PIEZO2: variants seen among roughly 807,000 people sequenced by gnomAD.
The protein encoded by PIEZO2 is piezo type mechanosensitive ion channel component 2.
A neutral mutation model predicts 337.3 loss-of-function variants in PIEZO2; 172 were observed. The observed-to-expected ratio is 0.51, with a 90% CI of 0.45 to 0.58. The LOEUF (loss-of-function observed/expected upper bound fraction) is 0.58, where lower values mean the gene tolerates loss of function less well. Ranked by LOEUF, PIEZO2 falls within the 20% of genes least tolerant of loss-of-function variation. PIEZO2 has a pLI of 0.00. For synonymous variants in PIEZO2, 1,251 were observed against 1,228.5 expected, an observed-to-expected ratio of 1.02 and a Z score of -0.38; for missense variants, 3,028 against 3,391.3, an observed-to-expected ratio of 0.89 and a Z score of 2.66.
intron 33 of PIEZO2, chr18:10,739,657 G>T (rs577229436): frequency 6.6e-6 from 1 of 152,168 alleles, no homozygotes; most frequent in Non-Finnish European, 1.5e-5. Context: ...GATTGTTAGC[G>T]TGACTGTCAT....
chr18:11,049,268 A>G (rs939892238), intron 2 of PIEZO2, among the ~76,000 whole-genome samples: 2 of 152,194 alleles, frequency 1.3e-5, no homozygotes, highest in African/African-American at 4.8e-5. Flanking sequence ...TCAACATTCG[A>G]GGAAGCAGGA....
Position 11,101,521 on chromosome 18 carries a change from A to T in PIEZO2, c.65-35299T>A, listed in dbSNP as rs544133679. Reference sequence around the variant, plus strand: ...TATTTTTAAGCACCAGTGAGAAAAAAAGCTGCCCAAAATTTAACATATCAA... The same window carrying T: ...TATTTTTAAGCACCAGTGAGAAAAATAGCTGCCCAAAATTTAACATATCAA... On this transcript the variant is annotated intron_variant, in intron 1 of 55. Transcript: ENST00000674853. This position sits in a 1 kb window ranked among gnomAD's most constrained non-coding sequence, Gnocchi z 4.4. 2.6e-5 allele frequency among the ~76,000 whole-genome samples: 4 copies of T among 152,358 alleles called. No individual in the cohort carries two copies. The South Asian group carries it at 6.2e-4, about 24-fold the overall frequency.
At chr18:10,757,627 G>A (rs2037934329) in intron 27 of PIEZO2, among the ~76,000 whole-genome samples, 1 of 151,504 alleles carries the variant, frequency 6.6e-6, no homozygotes, top group Admixed American at 6.6e-5. Flanking sequence ...AGGGAGGAAA[G>A]ATGAGGATGA....
At chr18:10,779,021 A>G (rs2144053747) in intron 18 of PIEZO2, among the ~76,000 whole-genome samples, 1 of 152,336 alleles carries the variant, frequency 6.6e-6, no homozygotes, top group African/African-American at 2.4e-5. Flanking sequence ...CAGGATTTCT[A>G]GCTAGAGTCT....
At chr18:10,787,913 GAATGAAATTCTTTTAATT>G (rs2039278728) in intron 15 of PIEZO2, among the ~76,000 whole-genome samples, 1 of 152,004 alleles carries the variant, frequency 6.6e-6, no homozygotes, top group Non-Finnish European at 1.5e-5. Context: ...TTATTTTAAT[GAATGAAATTCTTTTAATT>G]AATGAAATAT....
chr18:10,677,625 A>T lies in PIEZO2; in HGVS notation c.8081+122T>A. 1 of 1,259,928 alleles carries T rather than the reference A, an allele frequency of 7.9e-7. No homozygotes were observed. Among genetic ancestry groups the T allele is most frequent in the Non-Finnish European group, 1.1e-6 (1 of 901,782 alleles). The allele number at this position is 1,259,928 out of a possible 1,614,324, so 78.0% of individuals were successfully genotyped here. A position where few individuals can be genotyped will look rare whatever the true frequency, so the allele number is the denominator to read the frequency against. ...TGCAAAATGGGGCCTCCAAATAGAA[A>T]TTAACTTTGTGTTACCAAAGAATGA... On this transcript the variant is annotated intron_variant, in intron 53 of 55. Transcript: ENST00000674853. This position sits in a 1 kb window ranked among gnomAD's most constrained non-coding sequence, Gnocchi z 4.1.
Position 11,027,301 on chromosome 18 carries a change from G to C in PIEZO2, c.160+38826C>G, listed in dbSNP as rs75474625. 6.6e-6 allele frequency among the ~76,000 whole-genome samples: 1 copy of C among 152,026 alleles called. No individual in the cohort carries two copies. On this transcript the variant is annotated intron_variant, in intron 2 of 55. Transcript: ENST00000674853. This position sits in a 1 kb window ranked among gnomAD's most constrained non-coding sequence, Gnocchi z 4.2. ...TCTGAGCTCCAGTCAAGGTATAACC[G>C]GGCTCTGCTGGACCTGTGTGTGAAT... is the stretch of plus-strand genomic sequence containing the variant.
rs1369759743 is a variant in PIEZO2, at chr18:11,148,783, C to T, written c.-195G>A. 7.3e-6 allele frequency: 4 copies of T among 549,458 alleles called. No individual in the cohort carries two copies. The South Asian group carries it at 1.0e-4, about 14-fold the overall frequency. 34.0% of individuals were successfully genotyped at this position (549,458 alleles called of 1,614,324 possible). A position where few individuals can be genotyped will look rare whatever the true frequency, so the allele number is the denominator to read the frequency against. On this transcript the variant is annotated 5_prime_UTR_variant, in exon 1 of 56. It adds an upstream start codon to the 5' untranslated region. Transcript: ENST00000674853. The surrounding 1 kb of genome is among the most constrained non-coding windows in gnomAD (Gnocchi z 5.2). ...GGGGCTCTTGGCCGCCCCTCGCCCA[C>T]CGGGCTCTGGGTAGCCCCTCACCAG... is the stretch of plus-strand genomic sequence containing the variant.
rs2039292354 is a variant in PIEZO2 at position 11,097,420 on chromosome 18, C to G, written c.65-31198G>C. Among the ~76,000 whole-genome samples the G allele has an allele frequency of 6.6e-6, 1 of 152,156 alleles. No individual in the cohort carries two copies. Among genetic ancestry groups the G allele is most frequent in the African/African-American group, 2.4e-5 (1 of 41,436 alleles). Reference sequence around the variant, plus strand: ...ACGCCTGACTCATTAACTGCCCGGCCCCTCACAGAAAAAGTTTGCTGGTCA... The same window carrying G: ...ACGCCTGACTCATTAACTGCCCGGCGCCTCACAGAAAAAGTTTGCTGGTCA... On this transcript the variant is annotated intron_variant, in intron 1 of 55. Coordinates refer to ENST00000674853, the MANE Select transcript of PIEZO2 (RefSeq NM_001378183.1). The surrounding 1 kb of genome is among the most constrained non-coding windows in gnomAD (Gnocchi z 5.0).
intron 2 of PIEZO2, among the ~76,000 whole-genome samples, chr18:10,995,977 A>T (rs1288519431): frequency 6.6e-6 from 1 of 152,242 alleles, no homozygotes; most frequent in Admixed American, 6.5e-5. Context: ...AAGAAAACAA[A>T]TAACTAAAAT....
In PIEZO2 at chr18:11,078,284, A is replaced by G. The variant is rs940247516; in HGVS notation, c.65-12062T>C. Among the ~76,000 whole-genome samples the G allele has an allele frequency of 6.6e-6, 1 of 152,194 alleles. No homozygotes were observed. Among genetic ancestry groups the G allele is most frequent in the African/African-American group, 2.4e-5 (1 of 41,458 alleles). On this transcript the variant is annotated intron_variant, in intron 1 of 55. Transcript: ENST00000674853. The surrounding 1 kb of genome is among the most constrained non-coding windows in gnomAD (Gnocchi z 5.3). Reference sequence around the variant, plus strand: ...TCCTACTTTCAAGAACTTAGTAAAAATAGAATTTTTTGTAGACTTTTACTG... The same window carrying G: ...TCCTACTTTCAAGAACTTAGTAAAAGTAGAATTTTTTGTAGACTTTTACTG...
chr18:11,112,687 C>T lies in PIEZO2; in HGVS notation c.64+35838G>A, dbSNP rs1353642544. ...TAGGCACAGAAACAAACCTATATAA[C>T]TTTCTGAAAATAATGCAAGTGACAC... On this transcript the variant is annotated intron_variant, in intron 1 of 55. Transcript: ENST00000674853. This position sits in a 1 kb window ranked among gnomAD's most constrained non-coding sequence, Gnocchi z 4.3. Among the ~76,000 whole-genome samples, 4 of 152,200 alleles carry T rather than the reference C, an allele frequency of 2.6e-5. No homozygotes were observed. The highest frequency in any genetic ancestry group is 5.9e-5 in the Non-Finnish European group (4 of 68,040).
In PIEZO2 at chr18:10,842,876, G is replaced by T. The variant is rs566626089; in HGVS notation, c.917+12477C>A. 2.6e-5 allele frequency among the ~76,000 whole-genome samples: 4 copies of T among 152,320 alleles called. No homozygotes were observed. In the East Asian group the frequency reaches 5.8e-4, roughly 22 times the overall value. Reference sequence around the variant, plus strand: ...GAGTAACAAGCAAGTTTATTAAAACGTTTGTCAAGTTGTCTTAGCAGAAAG... The same window carrying T: ...GAGTAACAAGCAAGTTTATTAAAACTTTTGTCAAGTTGTCTTAGCAGAAAG... On this transcript the variant is annotated intron_variant, in intron 7 of 55. Transcript: ENST00000674853.
intron 2 of PIEZO2, among the ~76,000 whole-genome samples, chr18:11,014,921 C>G (rs181511220): frequency 7.6e-6 from 1 of 132,326 alleles, no homozygotes; most frequent in Admixed American, 7.9e-5. Context: ...GGTGGGACAG[C>G]GATCCGGGGC....
intron 27 of PIEZO2, among the ~76,000 whole-genome samples, chr18:10,753,567 C>T (rs957543535): frequency 7.2e-5 from 11 of 152,208 alleles, no homozygotes; most frequent in African/African-American, 2.7e-4. Context: ...GGCCAAGTCC[C>T]AACTGCATTT....
At chr18:11,130,311 A>T (rs1156616075) in intron 1 of PIEZO2, among the ~76,000 whole-genome samples, 1 of 152,252 alleles carries the variant, frequency 6.6e-6, no homozygotes, top group Non-Finnish European at 1.5e-5. Flanking sequence ...GAGCAAATTA[A>T]CACATCTCCT....
chr18:10,800,362 C>A lies in PIEZO2; in HGVS notation c.1353G>T (p.Arg451=). 1 of 1,536,032 alleles carries A rather than the reference C, an allele frequency of 6.5e-7. No homozygotes were observed. Among genetic ancestry groups the A allele is most frequent in the East Asian group, 2.5e-5 (1 of 40,796 alleles). Residue 451 remains arginine (R), a synonymous_variant, in exon 11 of 56, where the codon CGG becomes CGT. Coordinates refer to ENST00000674853, the MANE Select transcript of PIEZO2 (RefSeq NM_001378183.1). ...KADLYSTPQY[R]WEPSDESSEK... Reference sequence around the variant, plus strand: ...CTGAGGATTCATCAGAGGGCTCCCACCGGTACTGAGGGGTGGAGTAGAGGT... The same window carrying A: ...CTGAGGATTCATCAGAGGGCTCCCAACGGTACTGAGGGGTGGAGTAGAGGT...
At chr18:10,789,816 T>C (rs1294991166) in intron 14 of PIEZO2, among the ~76,000 whole-genome samples, 1 of 152,194 alleles carries the variant, frequency 6.6e-6, no homozygotes, top group Admixed American at 6.5e-5. Flanking sequence ...ACTAAAAATT[T>C]AAGAGTTACA....
intron 16 of PIEZO2, among the ~76,000 whole-genome samples, chr18:10,786,096 G>A (rs2039212939): frequency 6.6e-6 from 1 of 152,158 alleles, no homozygotes; most frequent in Non-Finnish European, 1.5e-5. Context: ...CCTAAGACAA[G>A]CTTCTTCTAA....
Sources: gnomAD v4.1 joint callset for allele counts (sites outside exome capture counted in the v4.1 genomes callset) on GRCh38, gnomAD v4.1.1 for gene constraint, Gnocchi (gnomAD v3.1) non-coding constraint, MANE v1.5 for transcripts, NCBI Gene and HGNC (gene_info 2026-07-23, HGNC 2026-07-21) for gene names.